The following ABCF1 variants were observed in gnomAD, a reference collection of about 807,000 sequenced individuals.
ABCF1 encodes ATP-binding cassette sub-family F member 1.
A neutral mutation model predicts 126.3 loss-of-function variants in ABCF1; 73 were observed. The observed-to-expected ratio is 0.58, with a 90% CI of 0.48 to 0.70. ABCF1 has a LOEUF of 0.70. ABCF1 is among the 30% of genes least tolerant of loss of function. The pLI is 0.00. For missense variants in ABCF1, 786 were observed against 1,057.5 expected (o/e 0.74, Z 3.56); for synonymous variants, 345 against 396.4 (o/e 0.87, Z 1.54).
At chr6:30,572,805 G>C (rs1002327618) in intron 1 of ABCF1, among the ~76,000 whole-genome samples, 2 of 152,186 alleles carry the variant, frequency 1.3e-5, no homozygotes, top group African/African-American at 4.8e-5. Context: ...CTGCTCCCCA[G>C]AGTTTATTCT....
In ABCF1 at chr6:30,571,458, G is replaced by A. The variant is rs376635574; in HGVS notation, c.-30G>A. 7 of 1,596,038 alleles carry A rather than the reference G, an allele frequency of 4.4e-6. No homozygotes were observed. Among genetic ancestry groups the A allele is most frequent in the African/African-American group, 4.0e-5 (3 of 74,706 alleles). On this transcript the variant is annotated 5_prime_UTR_variant, in exon 1 of 25. Transcript: ENST00000326195. ...GCCGGAAGCGGAAATAGCACCGGGC[G>A]CCGCCACAGTAGCTGTAACTGCCAC... is the stretch of plus-strand genomic sequence containing the variant.
chr6:30,588,864 G>A (rs1802291364), intron 20 of ABCF1, among the ~76,000 whole-genome samples: 1 of 151,960 alleles, frequency 6.6e-6, no homozygotes, highest in Admixed American at 6.6e-5. Context: ...CGTGAGTCTC[G>A]CTGTATGGAG....
At position 30,582,402 on chromosome 6, in the gene ABCF1, GGAA is replaced by G. The variant is rs754382202; in HGVS notation, c.692_694del (p.Glu231del). On this transcript the variant is annotated inframe_deletion, in exon 9 of 25. Transcript: ENST00000326195. ...TCCCCGGGTTCTCACAGGGTTCAGA[GGAA>G]GAAGGAGAAGGGGAAGAAGAGGAGG... 3 of 1,601,522 alleles carry G rather than the reference GGAA, an allele frequency of 1.9e-6. No homozygotes were observed. The highest frequency in any genetic ancestry group is 4.5e-5 in the East Asian group (2 of 44,704).
rs1447188928 is a variant in ABCF1, at chr6:30,585,350, T to C, written c.1475+7T>C. On this transcript the variant is annotated splice_region_variant and intron_variant, in intron 15 of 24. Transcript: ENST00000326195. ...CTGTCATCTGGCTTAATAAGTGCGTTACGGCCTTTGCATCATTGGTTCCCA... is the reference window on the plus strand; with the variant it reads ...CTGTCATCTGGCTTAATAAGTGCGTCACGGCCTTTGCATCATTGGTTCCCA... 4 of 1,612,404 alleles carry C rather than the reference T, an allele frequency of 2.5e-6. No individual in the cohort carries two copies. The African/African-American group carries it at 4.0e-5, about 16-fold the overall frequency.
chr6:30,590,304 A>G lies in ABCF1; in HGVS notation c.2299-2A>G. On this transcript the variant is annotated splice_acceptor_variant, in intron 23 of 24. Coordinates refer to ENST00000326195, the MANE Select transcript of ABCF1 (RefSeq NM_001025091.2). LOFTEE classifies it high-confidence loss of function. ...CTCAGTCATGGAATTCCTCCTATGT[A>G]GGACGAGCCAACCAATAACCTGGAC... 6.2e-7 allele frequency: 1 copy of G among 1,612,048 alleles called. No homozygotes were observed. Among genetic ancestry groups the G allele is most frequent in the East Asian group, 2.2e-5 (1 of 44,858 alleles).
chr6:30,589,462 G>A, intron 20 of ABCF1: 1 of 590,130 alleles, frequency 1.7e-6, no homozygotes, highest in South Asian at 2.1e-5. Context: ...AATTAGCCGG[G>A]TGTGGTGGCA....
In ABCF1 at chr6:30,582,518, G is replaced by C. The variant is rs1178081374; in HGVS notation, c.792+11G>C. ...AAGCTGAAAAAACAGGTAAGACCTT[G>C]GTTCTTAGCGGTCAAAAGTAGGGGA... On this transcript the variant is annotated intron_variant, in intron 9 of 24. Transcript: ENST00000326195. 3 of 1,611,884 alleles carry C rather than the reference G, an allele frequency of 1.9e-6. No individual in the cohort carries two copies. Among genetic ancestry groups the C allele is most frequent in the Non-Finnish European group, 1.7e-6 (2 of 1,179,664 alleles).
At chr6:30,579,022 C>T (rs1004103168) in intron 6 of ABCF1, among the ~76,000 whole-genome samples, 4 of 151,732 alleles carry the variant, frequency 2.6e-5, no homozygotes, top group Admixed American at 6.6e-5. Context: ...ACAAAAAAAA[C>T]CATGCCATTT....
Position 30,590,581 on chromosome 6 carries a change from T to C in ABCF1, c.2418T>C (p.Asn806=), listed in dbSNP as rs781493321. ...ATGCCCGACTCATCACAGAAACCAA[T>C]TGCCAGCTGTGGGTGGTGGAGGAGC... is the stretch of plus-strand genomic sequence containing the variant. The part of the protein sequence containing the change: ...SHDARLITET[N]CQLWVVEEQS... Residue 806 remains asparagine, a synonymous_variant, in exon 25 of 25, where the codon AAT becomes AAC. Transcript: ENST00000326195. The C allele has an allele frequency of 1.7e-5, 27 of 1,612,866 alleles. No individual in the cohort carries two copies. Among genetic ancestry groups the C allele is most frequent in the South Asian group, 3.3e-5 (3 of 91,074 alleles).
intron 20 of ABCF1, among the ~76,000 whole-genome samples, chr6:30,588,222 T>A (rs1301362329): frequency 6.6e-6 from 1 of 152,054 alleles, no homozygotes; most frequent in Non-Finnish European, 1.5e-5. Flanking sequence ...TATTAATGTT[T>A]TAGTGGATAT....
At chr6:30,576,274 CTCTTTTT>C (rs1801494000) in intron 1 of ABCF1, among the ~76,000 whole-genome samples, 1 of 67,102 alleles carries the variant, frequency 1.5e-5, no homozygotes. Context: ...TCTCTGAGTG[CTCTTTTT>C]TTTTTTTTTT....
chr6:30,589,682 T>A lies in ABCF1; in HGVS notation c.2032-6T>A. 2 of 1,614,040 alleles carry A rather than the reference T, an allele frequency of 1.2e-6. No homozygotes were observed. The highest frequency in any genetic ancestry group is 4.5e-5 in the East Asian group (2 of 44,882). ...CTCCTCTTAACTACTTTGTCTTCCC[T>A]TGCAGACCCATGGGGAAATGAGAAA... On this transcript the variant is annotated splice_region_variant and splice_polypyrimidine_tract_variant and intron_variant, in intron 20 of 24. Coordinates refer to ENST00000326195, the MANE Select transcript of ABCF1 (RefSeq NM_001025091.2).
In ABCF1 at chr6:30,584,645, C is replaced by G. The variant is rs1802016337; in HGVS notation, c.1391+79C>G. 1.3e-6 allele frequency: 2 copies of G among 1,504,304 alleles called. No homozygotes were observed. Among genetic ancestry groups the G allele is most frequent in the Admixed American group, 2.1e-5 (1 of 47,970 alleles). The allele number at this position is 1,504,304 out of a possible 1,614,324, so 93.2% of individuals were successfully genotyped here. ...TTTCCTCTTTCCCTTCTCATTCTTC[C>G]AAGGCCAATAGGGAGGCTCAAGGCT... On this transcript the variant is annotated intron_variant, in intron 14 of 24. Transcript: ENST00000326195. This position sits in a 1 kb window ranked among gnomAD's most constrained non-coding sequence, Gnocchi z 4.6.
Position 30,590,107 on chromosome 6 carries a change from T to G in ABCF1, c.2234-42T>G, listed in dbSNP as rs1177610500. On this transcript the variant is annotated intron_variant, in intron 22 of 24. Coordinates refer to ENST00000326195, the MANE Select transcript of ABCF1 (RefSeq NM_001025091.2). ...ATCTTGAGGGTTTGCCTTCAGAATG[T>G]GAGGTGCTAGGTGTGACAGCCCTCC... 1.9e-6 allele frequency: 3 copies of G among 1,612,480 alleles called. No homozygotes were observed. The African/African-American group carries it at 4.0e-5, about 22-fold the overall frequency.
chr6:30,589,901 G>T lies in ABCF1; in HGVS notation c.2160G>T (p.Gln720His). 6.2e-7 allele frequency: 1 copy of T among 1,614,206 alleles called. No individual in the cohort carries two copies. Among genetic ancestry groups the T allele is most frequent in the East Asian group, 2.2e-5 (1 of 44,878 alleles). Residue 720 changes from glutamine (Q) to histidine (H), a missense_variant, in exon 22 of 25, where the codon CAG becomes CAT. Physicochemically the swap from Gln to His is conservative, Grantham distance 24. Transcript: ENST00000326195. ...AGCGGGGCTTCAACCTGCCCTACCA[G>T]GATGCCCGCAAGTGCCTGGGCCGCT... Reference protein sequence around the residue: ...YLQRGFNLPYQDARKCLGRFG... With the variant: ...YLQRGFNLPYHDARKCLGRFG...
At position 30,577,882 on chromosome 6, in the gene ABCF1, A is replaced by G. The variant is rs1404226235; in HGVS notation, c.185A>G (p.Lys62Arg). 5.6e-6 allele frequency: 9 copies of G among 1,613,998 alleles called. No individual in the cohort carries two copies. The highest frequency in any genetic ancestry group is 2.7e-5 in the African/African-American group (2 of 74,906). The change falls in exon 3 of 25, where the codon AAG (lysine) becomes AGG (arginine). Residue 62 changes from lysine (K) to arginine (R), a missense_variant. Physicochemically the swap from Lys to Arg is conservative, Grantham distance 26. This residue lies in a region of ABCF1 where 322 missense variants were observed against 322.9 expected (regional missense o/e 1.00). Transcript: ENST00000326195. ...AGEEEKVLKE[K>R]EQQQQQQQQQ... The stretch of plus-strand genomic sequence containing the variant: ...GAAGAAGAGAAAGTGCTCAAGGAGA[A>G]GGAGCAGCAGCAGCAGCAACAGCAA...
At position 30,575,358 on chromosome 6, in the gene ABCF1, G is replaced by A. The variant is rs140437168; in HGVS notation, c.74-2051G>A. Among the ~76,000 whole-genome samples, 336 of 124,586 alleles carry A rather than the reference G, an allele frequency of 2.7e-3. 3 individuals are homozygous for A. Among genetic ancestry groups the A allele is most frequent in the East Asian group, 0.015 (68 of 4,446 alleles). 81.7% of individuals were successfully genotyped at this position (124,586 alleles called of 152,430 possible). A position where few individuals can be genotyped will look rare whatever the true frequency, so the allele number is the denominator to read the frequency against. On this transcript the variant is annotated intron_variant, in intron 1 of 24. Coordinates refer to ENST00000326195, the MANE Select transcript of ABCF1 (RefSeq NM_001025091.2). Reference sequence around the variant, plus strand: ...GCTGAGATTACAGGCCTGAGCCGCCGCACCCGACCAATTTTTTTTTTTTTA... The same window carrying A: ...GCTGAGATTACAGGCCTGAGCCGCCACACCCGACCAATTTTTTTTTTTTTA...
intron 6 of ABCF1, among the ~76,000 whole-genome samples, chr6:30,579,565 C>G (rs1801696717): frequency 6.8e-6 from 1 of 146,554 alleles, no homozygotes; most frequent in South Asian, 2.1e-4. Flanking sequence ...TCAAGTGATT[C>G]TCCTGCCTCA....
intron 8 of ABCF1, among the ~76,000 whole-genome samples, chr6:30,581,285 C>T (rs1252078544): frequency 6.6e-6 from 1 of 151,784 alleles, no homozygotes; most frequent in Admixed American, 6.6e-5. Flanking sequence ...CACTTGTCTC[C>T]TTTGTGTGAT....
Sources: allele counts gnomAD v4.1 joint callset (sites outside exome capture counted in the v4.1 genomes callset), GRCh38; gene constraint gnomAD v4.1.1; regional missense constraint gnomAD v4.1.1; non-coding constraint Gnocchi (gnomAD v3.1); transcripts MANE v1.5; gene names NCBI Gene and HGNC (gene_info 2026-07-23, HGNC 2026-07-21).